Variants in KAT6B observed in about 807,000 individuals in gnomAD.
KAT6B encodes the protein lysine acetyltransferase 6B.
In KAT6B, 10 loss-of-function variants were observed where a neutral mutation model predicts 187.5. The ratio of observed to expected loss-of-function variants is 0.05; its 90% confidence interval spans 0.03 to 0.09. The LOEUF is 0.09. Among genes scored for constraint, KAT6B ranks in the 10% least tolerant of loss-of-function variants. The pLI is 1.00. For synonymous variants in KAT6B, 861 were observed against 926.8 expected (o/e 0.93, Z 1.29); for missense variants, 1,952 against 2,558.9 (o/e 0.76, Z 5.12).
At chr10:74,879,581 A>AG (rs1257818637) in intron 3 of KAT6B, among the ~76,000 whole-genome samples, 4 of 152,210 alleles carry the variant, frequency 2.6e-5, no homozygotes, top group African/African-American at 9.6e-5. Flanking sequence ...ACCCAAATTC[A>AG]GGGGACTCTG....
chr10:74,837,239 T>C (rs1841368952), intron 1 of KAT6B, among the ~76,000 whole-genome samples: 1 of 152,236 alleles, frequency 6.6e-6, no homozygotes. Context: ...TTGTAATGAA[T>C]GATGTAAATA....
At chr10:74,958,106 C>T (rs2133490483) in intron 3 of KAT6B, among the ~76,000 whole-genome samples, 1 of 152,300 alleles carries the variant, frequency 6.6e-6, no homozygotes, top group East Asian at 1.9e-4. Flanking sequence ...TCATATTAAA[C>T]AATTTGTGAA....
Position 74,977,300 on chromosome 10 carries a change from T to C in KAT6B, c.1994-16T>C, listed in dbSNP as rs753005208. The C allele has an allele frequency of 6.2e-7, 1 of 1,611,792 alleles. No homozygotes were observed. Among genetic ancestry groups the C allele is most frequent in the South Asian group, 1.1e-5 (1 of 90,768 alleles). ...TCAAGTCAGTGAATACACTTTCTGC[T>C]GGTTTTAAATGACAGATACTGAAAT... On this transcript the variant is annotated splice_polypyrimidine_tract_variant and intron_variant, in intron 8 of 17. Transcript: ENST00000287239.
At chr10:74,916,914 C>A (rs1390720190) in intron 3 of KAT6B, among the ~76,000 whole-genome samples, 2 of 152,092 alleles carry the variant, frequency 1.3e-5, no homozygotes, top group African/African-American at 2.4e-5. Context: ...ACAGCCTGGG[C>A]AAAATGTGGC....
At chr10:74,983,962 T>A (rs137956221) in intron 11 of KAT6B, 119 of 152,352 alleles carry the variant, frequency 7.8e-4, no homozygotes, top group African/African-American at 2.8e-3. Context: ...TCTTACACTT[T>A]TCACAACCAA....
chr10:74,981,605 C>G (rs916608645), intron 10 of KAT6B, among the ~76,000 whole-genome samples, 182 bp from the exon 11 acceptor site: 1 of 152,176 alleles, frequency 6.6e-6, no homozygotes, highest in Non-Finnish European at 1.5e-5. Context: ...AACTCCTGAT[C>G]TCAGGTGATC....
intron 3 of KAT6B, among the ~76,000 whole-genome samples, chr10:74,894,808 A>G (rs1293660130): frequency 1.3e-5 from 2 of 151,984 alleles, no homozygotes; most frequent in African/African-American, 4.8e-5. Flanking sequence ...TGCTTTATCT[A>G]GTTGTCTGTT....
chr10:74,932,180 T>C (rs1431506820), intron 3 of KAT6B, among the ~76,000 whole-genome samples: 1 of 152,220 alleles, frequency 6.6e-6, no homozygotes, highest in Admixed American at 6.5e-5. Flanking sequence ...AAAATGTTGA[T>C]TGGCCAAAAT....
Position 75,031,051 on chromosome 10 carries a change from C to A in KAT6B, c.*5C>A, listed in dbSNP as rs535624362. The A allele has an allele frequency of 8.1e-6, 13 of 1,613,880 alleles. No homozygotes were observed. The highest frequency in any genetic ancestry group is 1.0e-5 in the Non-Finnish European group (12 of 1,179,978). On this transcript the variant is annotated 3_prime_UTR_variant, in exon 18 of 18. Coordinates refer to ENST00000287239, the MANE Select transcript of KAT6B (RefSeq NM_012330.4). ...GGCTCCTACATGAGAAGGTAGACAA[C>A]GTGGGCAGTCCACAAAACCTACGGG...
intron 13 of KAT6B, among the ~76,000 whole-genome samples, chr10:75,000,979 T>G (rs892657992): frequency 6.6e-6 from 1 of 152,126 alleles, no homozygotes; most frequent in Non-Finnish European, 1.5e-5. Flanking sequence ...GGTTATGAAT[T>G]TGGCTCTTGT....
intron 1 of KAT6B, among the ~76,000 whole-genome samples, chr10:74,831,125 T>G (rs1411286447): frequency 6.6e-6 from 1 of 152,070 alleles, no homozygotes; most frequent in African/African-American, 2.4e-5. Flanking sequence ...TTAGATAGCC[T>G]CATTTATAAA....
intron 3 of KAT6B, among the ~76,000 whole-genome samples, chr10:74,873,965 A>G (rs11001188): frequency 6.6e-6 from 1 of 152,166 alleles, no homozygotes; most frequent in Non-Finnish European, 1.5e-5. Context: ...GTGTTCTTCA[A>G]ACTGAATTGT....
chr10:74,998,387 TG>T (rs1175360220), intron 13 of KAT6B, among the ~76,000 whole-genome samples: 1 of 152,138 alleles, frequency 6.6e-6, no homozygotes, highest in East Asian at 1.9e-4. Flanking sequence ...CTTCTCTTTT[TG>T]CCTCCCTCCC....
Position 74,979,242 on chromosome 10 carries a change from G to C in KAT6B, c.2134G>C (p.Gly712Arg), listed in dbSNP as rs530449640. 6.2e-7 allele frequency: 1 copy of C among 1,612,072 alleles called. No homozygotes were observed. The highest frequency in any genetic ancestry group is 8.5e-7 in the Non-Finnish European group (1 of 1,178,268). The change falls in exon 10 of 18, where the codon GGG becomes CGG. Residue 712 changes from glycine to arginine, a missense_variant. Coordinates refer to ENST00000287239, the MANE Select transcript of KAT6B (RefSeq NM_012330.4). ...LSWEKIECES[G>R]VEDCGRYPSV... ...TTGACAGAAAATAGAGTGTGAGAGTGGGGTGGAAGACTGTGGCCGGTACCC... is the reference window on the plus strand; with the variant it reads ...TTGACAGAAAATAGAGTGTGAGAGTCGGGTGGAAGACTGTGGCCGGTACCC...
intron 11 of KAT6B, 168 bp downstream of exon 11, chr10:74,982,096 A>G (rs1224146817): frequency 3.2e-6 from 2 of 630,534 alleles, no homozygotes; most frequent in Non-Finnish European, 5.6e-6. Flanking sequence ...ATCTAACCAT[A>G]TTAAGCAACC....
chr10:74,976,917 A>G, intron 8 of KAT6B: 1 of 282,946 alleles, frequency 3.5e-6, no homozygotes, highest in Non-Finnish European at 6.8e-6. Flanking sequence ...TACATTTGCT[A>G]CCCTTTATCA....
At chr10:75,012,106 G>T (rs930145032) in intron 13 of KAT6B, among the ~76,000 whole-genome samples, 2 of 152,196 alleles carry the variant, frequency 1.3e-5, no homozygotes, top group Admixed American at 6.5e-5. Context: ...AAGTGAGTCT[G>T]ATGTGCAGGC....
At chr10:74,935,971 G>T (rs1702507593) in intron 3 of KAT6B, among the ~76,000 whole-genome samples, 1 of 152,206 alleles carries the variant, frequency 6.6e-6, no homozygotes, top group African/African-American at 2.4e-5. Context: ...AATGTTTGTA[G>T]AAGAGGATTA....
At position 74,854,462 on chromosome 10, in the gene KAT6B, G is replaced by GT. The variant is rs551287089; in HGVS notation, c.621+10990dup. Among the ~76,000 whole-genome samples the GT allele has an allele frequency of 8.4e-3, 1,277 of 151,698 alleles. 29 individuals carry two copies. Among genetic ancestry groups the GT allele is most frequent in the African/African-American group, 0.026 (1,055 of 41,302 alleles). On this transcript the variant is annotated intron_variant, in intron 3 of 17. Coordinates refer to ENST00000287239, the MANE Select transcript of KAT6B (RefSeq NM_012330.4). ...TAGTGTAATATTATGTAGAGTGTAT[G>GT]TTTTTTCTGTTTTTTTTTAATGAAA... is the stretch of plus-strand genomic sequence containing the variant.
Sources: gnomAD v4.1 joint callset for allele counts (sites outside exome capture counted in the v4.1 genomes callset) on GRCh38, gnomAD v4.1.1 for gene constraint, MANE v1.5 for transcripts, NCBI Gene and HGNC (gene_info 2026-07-23, HGNC 2026-07-21) for gene names.